TTC7A: variants seen among roughly 807,000 people sequenced by gnomAD.
The protein encoded by TTC7A is tetratricopeptide repeat domain 7A.
Under a neutral mutation model 103.7 loss-of-function variants are expected in TTC7A, and 110 were observed. The observed-to-expected ratio is 1.06, with a 90% CI of 0.91 to 1.24. The LOEUF (loss-of-function observed/expected upper bound fraction) is 1.24, where lower values mean the gene tolerates loss of function less well. Ranked by LOEUF, TTC7A falls within the 50% of genes most tolerant of loss-of-function variation. TTC7A has a pLI of 0.00. For synonymous variants in TTC7A, 521 were observed against 467.9 expected (o/e 1.11, Z -1.47); for missense variants, 1,340 against 1,116.3 (o/e 1.20, Z -2.86).
chr2:46,974,113 C>G (rs1450559581), intron 3 of TTC7A, among the ~76,000 whole-genome samples: 2 of 152,232 alleles, frequency 1.3e-5, no homozygotes, highest in Non-Finnish European at 2.9e-5. Context: ...AGTTCAGTCA[C>G]TCGCCACTTG....
At chr2:47,013,322 T>A (rs571034621) in intron 11 of TTC7A, among the ~76,000 whole-genome samples, 1 of 152,304 alleles carries the variant, frequency 6.6e-6, no homozygotes, top group Non-Finnish European at 1.5e-5. Context: ...TAGGGCGACC[T>A]TGTGAGCAAG....
rs116054258 is a variant in TTC7A, at chr2:46,954,137, C to T, written c.349-2702C>T. 4.4e-3 allele frequency among the ~76,000 whole-genome samples: 673 copies of T among 152,322 alleles called. 4 individuals are homozygous for T. Among genetic ancestry groups the T allele is most frequent in the African/African-American group, 0.015 (620 of 41,568 alleles). On this transcript the variant is annotated intron_variant, in intron 2 of 19. Coordinates refer to ENST00000319190, the MANE Select transcript of TTC7A (RefSeq NM_020458.4). ...ATGTGAAAGATGGTGATCACACCCCCACTTTTATAGTTCCCACGTTAGTCT... is the reference window on the plus strand; with the variant it reads ...ATGTGAAAGATGGTGATCACACCCCTACTTTTATAGTTCCCACGTTAGTCT...
chr2:47,002,640 G>A (rs1676942517), intron 8 of TTC7A, among the ~76,000 whole-genome samples: 1 of 152,040 alleles, frequency 6.6e-6, no homozygotes, highest in Non-Finnish European at 1.5e-5. Context: ...AGTGTCTGAG[G>A]CCCTGGCCTC....
intron 2 of TTC7A, among the ~76,000 whole-genome samples, chr2:46,920,425 G>C (rs1669043125): frequency 6.6e-6 from 1 of 152,036 alleles, no homozygotes; most frequent in Non-Finnish European, 1.5e-5. Context: ...TGCCTCCTGG[G>C]TTCAAGCAGT....
At position 46,974,902 on chromosome 2, in the gene TTC7A, G is replaced by A. The variant is rs557547638; in HGVS notation, c.518-71G>A. On this transcript the variant is annotated intron_variant, in intron 3 of 19. Coordinates refer to ENST00000319190, the MANE Select transcript of TTC7A (RefSeq NM_020458.4). ...TGCCCCCTCGGATGAGCCCACCTTCGGCCCATGGGGAGGGCCTGGAGTCAG... is the reference window on the plus strand; with the variant it reads ...TGCCCCCTCGGATGAGCCCACCTTCAGCCCATGGGGAGGGCCTGGAGTCAG... 460 of 1,576,890 alleles carry A rather than the reference G, an allele frequency of 2.9e-4. 6 individuals carry two copies. In the South Asian group the frequency reaches 4.5e-3, roughly 15 times the overall value.
intron 5 of TTC7A, among the ~76,000 whole-genome samples, chr2:46,986,532 G>A (rs943471820): frequency 2.0e-5 from 3 of 152,044 alleles, no homozygotes; most frequent in Non-Finnish European, 4.4e-5. Flanking sequence ...AGGCAGAGAG[G>A]TGGGGGTGCT....
intron 5 of TTC7A, among the ~76,000 whole-genome samples, chr2:46,987,817 T>C (rs555857724): frequency 0.08 from 11,602 of 145,600 alleles, 585 homozygotes; most frequent in Admixed American, 0.13. Context: ...CGCGTGTGTG[T>C]GTGTGTGTGT....
intron 2 of TTC7A, among the ~76,000 whole-genome samples, chr2:46,922,497 G>T (rs1669155733): frequency 6.6e-6 from 1 of 152,068 alleles, no homozygotes. Context: ...CTCCAGACCT[G>T]AGTGCGGGCA....
intron 1 of TTC7A, among the ~76,000 whole-genome samples, chr2:46,943,168 G>C (rs1334315177): frequency 6.6e-6 from 1 of 152,160 alleles, no homozygotes; most frequent in Non-Finnish European, 1.5e-5. Context: ...CTCCCAAAGT[G>C]CTGGGATTAC....
chr2:46,922,299 C>T (rs9973623), intron 2 of TTC7A, among the ~76,000 whole-genome samples: 27,612 of 152,088 alleles, frequency 0.18, 2,627 homozygotes, highest in Middle Eastern at 0.2. Context: ...TTTCCTTGAG[C>T]GTTTTTATAA....
chr2:46,999,949 T>C, intron 8 of TTC7A: 4 of 952,898 alleles, frequency 4.2e-6, no homozygotes, highest in Non-Finnish European at 5.0e-6. Context: ...CCATGCCCAA[T>C]GCTGGGCATC....
At chr2:46,999,869 C>G (rs1676613333) in intron 8 of TTC7A, 2 of 985,308 alleles carry the variant, frequency 2.0e-6, no homozygotes, top group African/African-American at 3.5e-5. Flanking sequence ...GTACAGAGCC[C>G]TGGTGTTGAG....
Position 46,941,451 on chromosome 2 carries a change from C to T in TTC7A, c.-91C>T. ...CGGCTGCCGTCTGCGCCCCCGTCGA[C>T]CCCGCCCGCGAGTGCGCCCCAGCCA... On this transcript the variant is annotated 5_prime_UTR_variant, in exon 1 of 20. Transcript: ENST00000319190. The surrounding 1 kb of genome is among the most constrained non-coding windows in gnomAD (Gnocchi z 4.2). 1 of 1,391,696 alleles carries T rather than the reference C, an allele frequency of 7.2e-7. No homozygotes were observed. The highest frequency in any genetic ancestry group is 9.4e-7 in the Non-Finnish European group (1 of 1,058,856). The allele number at this position is 1,391,696 out of a possible 1,614,324, so 86.2% of individuals were successfully genotyped here.
At chr2:47,022,334 A>G (rs1035511357) in intron 12 of TTC7A, among the ~76,000 whole-genome samples, 3 of 151,790 alleles carry the variant, frequency 2.0e-5, no homozygotes, top group Non-Finnish European at 2.9e-5. Context: ...CCACCTCACA[A>G]TGCTTCCATT....
intron 5 of TTC7A, among the ~76,000 whole-genome samples, chr2:46,987,844 T>TGTG (rs1558542522): frequency 2.4e-5 from 3 of 125,512 alleles, no homozygotes; most frequent in Non-Finnish European, 3.4e-5. Flanking sequence ...GTGTGTGTGT[T>TGTG]TGTGTGTGTC....
chr2:47,043,272 A>G (rs1018241977), intron 15 of TTC7A, among the ~76,000 whole-genome samples: 10 of 152,248 alleles, frequency 6.6e-5, no homozygotes, highest in African/African-American at 2.2e-4. Flanking sequence ...GAGGCAAGCC[A>G]GCAGAGGCAC....
At chr2:47,008,997 G>A (rs116343065) in intron 10 of TTC7A, among the ~76,000 whole-genome samples, 6,302 of 152,130 alleles carry the variant, frequency 0.041, 197 homozygotes, top group Admixed American at 0.1. Context: ...GGGGTGGAAC[G>A]GGGTGGAATG....
intron 15 of TTC7A, among the ~76,000 whole-genome samples, chr2:47,037,655 G>C (rs564683402): frequency 3.3e-5 from 5 of 152,356 alleles, no homozygotes; most frequent in African/African-American, 7.2e-5. Flanking sequence ...GATGCACCCA[G>C]TGCTGGCTCC....
chr2:47,007,774 G>C lies in TTC7A; in HGVS notation c.1287+1050G>C, dbSNP rs183048574. Among the ~76,000 whole-genome samples, 1 of 152,314 alleles carries C rather than the reference G, an allele frequency of 6.6e-6. No individual in the cohort carries two copies. Among genetic ancestry groups the C allele is most frequent in the East Asian group, 1.9e-4 (1 of 5,180 alleles). On this transcript the variant is annotated intron_variant, in intron 10 of 19. Coordinates refer to ENST00000319190, the MANE Select transcript of TTC7A (RefSeq NM_020458.4). The surrounding 1 kb of genome is among the most constrained non-coding windows in gnomAD (Gnocchi z 4.9). ...CCCTACCCCCATCTGCTGGGCATGT[G>C]TCTTTCCAAACCTCTCTCCTCTCCC... is the stretch of plus-strand genomic sequence containing the variant.
Sources: allele counts gnomAD v4.1 joint callset (sites outside exome capture counted in the v4.1 genomes callset), GRCh38; gene constraint gnomAD v4.1.1; non-coding constraint Gnocchi (gnomAD v3.1); transcripts MANE v1.5; gene names NCBI Gene and HGNC (gene_info 2026-07-23, HGNC 2026-07-21).